Variants in DMD observed in about 807,000 individuals in gnomAD.
DMD encodes dystrophin.
DMD carries 63 observed loss-of-function variants against 330.1 expected under a neutral mutation model. That is an observed-to-expected ratio of 0.19 (90% CI 0.16 to 0.24). The LOEUF (loss-of-function observed/expected upper bound fraction) is 0.24, where lower values mean the gene tolerates loss of function less well. Ranked by LOEUF, DMD falls within the 10% of genes least tolerant of loss-of-function variation. The probability of loss-of-function intolerance (pLI) is 1.00; values close to 1 mark genes in which losing one functional copy is unlikely to be tolerated. For missense variants in DMD, 3,344 were observed against 2,684.1 expected (o/e 1.25, Z -5.43); for synonymous variants, 1,223 against 959.8 (o/e 1.27, Z -5.07).
At chrX:32,909,773 T>C (rs928951175) in intron 2 of DMD, among the ~76,000 whole-genome samples, 1 of 112,271 alleles carries the variant, frequency 8.9e-6, no homozygotes, top group Non-Finnish European at 1.9e-5. Context: ...TGTGCAAAAG[T>C]AAAGAAAAAG....
At chrX:32,338,334 C>A (rs181236076) in intron 41 of DMD, among the ~76,000 whole-genome samples, 74 of 110,680 alleles carry the variant, frequency 6.7e-4, no homozygotes, top group Non-Finnish European at 1.3e-3. Flanking sequence ...ACATTTATTC[C>A]ATTTTATTAA....
At chrX:32,674,317 G>T (rs1295023228) in intron 9 of DMD, among the ~76,000 whole-genome samples, 1 of 111,535 alleles carries the variant, frequency 9.0e-6, no homozygotes, top group African/African-American at 3.3e-5. Flanking sequence ...TAATCACCCA[G>T]ATATCCCAAC....
At chrX:31,415,336 T>A (rs2061820120) in intron 60 of DMD, among the ~76,000 whole-genome samples, 1 of 112,434 alleles carries the variant, frequency 8.9e-6, no homozygotes, top group Admixed American at 9.5e-5. Flanking sequence ...TCTGCACGGA[T>A]AGTATTCAGC....
intron 21 of DMD, among the ~76,000 whole-genome samples, chrX:32,476,191 G>C (rs2041219652): frequency 9.0e-6 from 1 of 110,642 alleles, no homozygotes; most frequent in Non-Finnish European, 1.9e-5. Context: ...CTTCTTTCTG[G>C]TCTTTCTGTT....
intron 1 of DMD, among the ~76,000 whole-genome samples, chrX:33,292,672 T>C (rs1263791523): frequency 1.8e-5 from 2 of 110,389 alleles, no homozygotes; most frequent in Non-Finnish European, 3.8e-5. Flanking sequence ...TGAGAAGATA[T>C]ATAGATGAAG....
chrX:33,310,225 C>T (rs1007486412), intron 1 of DMD, among the ~76,000 whole-genome samples: 3 of 111,302 alleles, frequency 2.7e-5, no homozygotes, highest in East Asian at 2.8e-4. Context: ...TCTGTATAAA[C>T]CGTACTTAAA....
At chrX:32,948,795 G>A (rs2146902344) in intron 2 of DMD, among the ~76,000 whole-genome samples, 1 of 111,639 alleles carries the variant, frequency 9.0e-6, no homozygotes, top group East Asian at 2.8e-4. Flanking sequence ...AAATGTATTT[G>A]AAACACTGTT....
intron 48 of DMD, among the ~76,000 whole-genome samples, chrX:31,838,702 A>G (rs1039958447): frequency 1.8e-5 from 2 of 111,616 alleles, no homozygotes; most frequent in Admixed American, 1.9e-4. Context: ...AATGACTACT[A>G]TTTGCCTTCC....
intron 63 of DMD, among the ~76,000 whole-genome samples, chrX:31,240,551 C>T (rs1411849349): frequency 2.7e-5 from 3 of 111,311 alleles, no homozygotes; most frequent in Admixed American, 9.6e-5. Flanking sequence ...TTCTTAGCTT[C>T]ACCCGCTGTC....
At chrX:31,845,375 G>GTCTCCCTCTC (rs2093400499) in intron 48 of DMD, among the ~76,000 whole-genome samples, 3 of 60,097 alleles carry the variant, frequency 5.0e-5, no homozygotes, top group Non-Finnish European at 9.6e-5. Flanking sequence ...ACAGAATAAA[G>GTCTCCCTCTC]TCTCTCTCTC....
At chrX:32,176,260 G>T (rs2096906097) in intron 44 of DMD, among the ~76,000 whole-genome samples, 1 of 111,707 alleles carries the variant, frequency 9.0e-6, no homozygotes, top group Non-Finnish European at 1.9e-5. Context: ...TTCTCAGTTT[G>T]TATCCTATCC....
rs761839358 is a variant in DMD, at chrX:31,386,121, C to T, written c.9085-37487G>A. Among the ~76,000 whole-genome samples, 4 of 111,989 alleles carry T rather than the reference C, an allele frequency of 3.6e-5. No homozygotes were observed. The South Asian group carries it at 1.5e-3, about 42-fold the overall frequency. ...AACCATCATTCTCAGCAAACTATCA[C>T]AAGGACAGAAAACCAAACATTGCAT... On this transcript the variant is annotated intron_variant, in intron 60 of 78. Transcript: ENST00000357033.
intron 61 of DMD, among the ~76,000 whole-genome samples, chrX:31,343,992 T>C (rs1602014524): frequency 9.5e-6 from 1 of 105,629 alleles, no homozygotes; most frequent in East Asian, 2.9e-4. Context: ...TTTTTTTTTT[T>C]TAAATTTAGG....
At chrX:32,165,137 G>C (rs1353111361) in intron 44 of DMD, among the ~76,000 whole-genome samples, 1 of 112,284 alleles carries the variant, frequency 8.9e-6, no homozygotes, top group East Asian at 2.8e-4. Context: ...GTCCCCACTG[G>C]GGCACTGCCT....
At chrX:32,805,512 T>C (rs1302275154) in intron 7 of DMD, among the ~76,000 whole-genome samples, 3 of 111,617 alleles carry the variant, frequency 2.7e-5, no homozygotes, top group Non-Finnish European at 5.7e-5. Flanking sequence ...AAAACATTCT[T>C]CAGGATATTA....
chrX:31,352,693 G>A (rs2058492631), intron 60 of DMD, among the ~76,000 whole-genome samples: 1 of 112,125 alleles, frequency 8.9e-6, no homozygotes, highest in Non-Finnish European at 1.9e-5. Context: ...ACAGCGAGAA[G>A]AATTAAGCAT....
At chrX:32,089,087 C>T (rs1240344095) in intron 44 of DMD, among the ~76,000 whole-genome samples, 2 of 111,249 alleles carry the variant, frequency 1.8e-5, no homozygotes, top group Non-Finnish European at 3.8e-5. Context: ...GTAAAATCCG[C>T]TCCTTTTGAA....
chrX:32,354,410 T>C (rs1030019643), intron 37 of DMD, among the ~76,000 whole-genome samples: 8 of 111,076 alleles, frequency 7.2e-5, no homozygotes, highest in African/African-American at 2.6e-4. Context: ...CACACTATAG[T>C]ACAGAAAAGA....
chrX:33,001,635 T>C (rs1342135303), intron 2 of DMD, among the ~76,000 whole-genome samples: 1 of 111,556 alleles, frequency 9.0e-6, no homozygotes, highest in African/African-American at 3.3e-5. Flanking sequence ...CACTGTCTAA[T>C]GTTACATAGA....
Sources: allele counts gnomAD v4.1 joint callset (sites outside exome capture counted in the v4.1 genomes callset), GRCh38; gene constraint gnomAD v4.1.1; transcripts MANE v1.5; gene names NCBI Gene and HGNC (gene_info 2026-07-23, HGNC 2026-07-21).